Variants in GALNT13 observed in about 807,000 individuals in gnomAD.
GALNT13 encodes the protein UDP-GalNAc:polypeptide N-acetylgalactosaminyltransferase 13.
A neutral mutation model predicts 64.2 loss-of-function variants in GALNT13; 28 were observed. The ratio of observed to expected loss-of-function variants is 0.44; its 90% CI spans 0.32 to 0.60. The LOEUF is 0.60. Ranked by LOEUF, GALNT13 falls within the 20% of genes least tolerant of loss-of-function variation. The probability of loss-of-function intolerance (pLI) is 0.05; values close to 1 mark genes in which losing one functional copy is unlikely to be tolerated. For missense variants in GALNT13, 577 were observed against 669.8 expected (o/e 0.86, Z 1.53); for synonymous variants, 214 against 224.6 (o/e 0.95, Z 0.42).
chr2:153,142,160 A>G, the GALNT13 span, among the ~76,000 whole-genome samples: 10 of 152,168 alleles, frequency 6.6e-5, no homozygotes, highest in East Asian at 3.9e-4. Flanking sequence ...CAATTCTGCC[A>G]TAGTAGTGGT....
chr2:153,070,118 T>C, the GALNT13 span, among the ~76,000 whole-genome samples: 1 of 152,250 alleles, frequency 6.6e-6, no homozygotes, highest in Admixed American at 6.5e-5. Context: ...TTTTCTGCTC[T>C]TACAAAAGAG....
the GALNT13 span, among the ~76,000 whole-genome samples, chr2:153,199,366 C>T: frequency 6.6e-6 from 1 of 152,216 alleles, no homozygotes. Context: ...TTATCCCTCA[C>T]TCATCCCGGT....
intron 9 of GALNT13, among the ~76,000 whole-genome samples, chr2:154,354,534 T>C (rs1032520614): frequency 3.3e-5 from 5 of 151,336 alleles, no homozygotes; most frequent in Admixed American, 3.3e-4. Context: ...CTAAGACTTT[T>C]ATGGTTTCAG....
At chr2:153,693,422 G>A in the GALNT13 span, among the ~76,000 whole-genome samples, 1 of 152,106 alleles carries the variant, frequency 6.6e-6, no homozygotes, top group African/African-American at 2.4e-5. Flanking sequence ...GTATATAGCA[G>A]TACTGCTGCA....
chr2:154,344,510 A>G (rs927889475), intron 9 of GALNT13, among the ~76,000 whole-genome samples: 1 of 111,528 alleles, frequency 9.0e-6, no homozygotes, highest in Non-Finnish European at 2.2e-5. Flanking sequence ...ATCTAAATCC[A>G]TTATCCCATT....
chr2:153,196,835 G>C, the GALNT13 span, among the ~76,000 whole-genome samples: 2 of 152,050 alleles, frequency 1.3e-5, no homozygotes, highest in African/African-American at 4.8e-5. Flanking sequence ...CACCACCCTG[G>C]GCCCAGCTCC....
chr2:153,824,564 C>T, the GALNT13 span, among the ~76,000 whole-genome samples: 5 of 151,970 alleles, frequency 3.3e-5, no homozygotes, highest in African/African-American at 4.8e-5. Flanking sequence ...GCTGGTGGAT[C>T]GATAGAGTAA....
chr2:153,794,018 G>A, the GALNT13 span, among the ~76,000 whole-genome samples: 1 of 152,026 alleles, frequency 6.6e-6, no homozygotes. Flanking sequence ...ATTTTCAGAC[G>A]GTAGAAGGAT....
At chr2:153,245,829 G>A in the GALNT13 span, among the ~76,000 whole-genome samples, 2 of 152,072 alleles carry the variant, frequency 1.3e-5, no homozygotes, top group African/African-American at 2.4e-5. Context: ...GGCTTCAGAA[G>A]GTGGGTAATA....
the GALNT13 span, among the ~76,000 whole-genome samples, chr2:153,591,972 A>T: frequency 2.6e-5 from 4 of 152,076 alleles, no homozygotes; most frequent in Admixed American, 6.6e-5. Context: ...AACTCAAACA[A>T]CTCAATAACA....
the GALNT13 span, among the ~76,000 whole-genome samples, chr2:153,578,959 G>T: frequency 6.6e-6 from 1 of 152,124 alleles, no homozygotes; most frequent in Non-Finnish European, 1.5e-5. Flanking sequence ...TGAACACAAG[G>T]CTTCTTGGTT....
chr2:153,737,654 T>G, the GALNT13 span, among the ~76,000 whole-genome samples: 1 of 152,116 alleles, frequency 6.6e-6, no homozygotes, highest in Non-Finnish European at 1.5e-5. Flanking sequence ...GTCTCGTAGT[T>G]TTGTTTCATA....
At chr2:153,231,321 CT>C in the GALNT13 span, among the ~76,000 whole-genome samples, 1 of 152,170 alleles carries the variant, frequency 6.6e-6, no homozygotes, top group Non-Finnish European at 1.5e-5. Context: ...TTGCATCTTT[CT>C]TGGTTTCTCA....
the GALNT13 span, among the ~76,000 whole-genome samples, chr2:153,488,202 T>C: frequency 6.6e-6 from 1 of 152,172 alleles, no homozygotes; most frequent in Non-Finnish European, 1.5e-5. Context: ...AAAGAGGACA[T>C]TGTCACCATG....
chr2:154,290,650 C>T (rs11885034), intron 8 of GALNT13, among the ~76,000 whole-genome samples: 2,448 of 152,304 alleles, frequency 0.016, 60 homozygotes, highest in African/African-American at 0.055. Flanking sequence ...AGTGCTATAG[C>T]TGCTAGGAGG....
chr2:153,831,899 T>C, the GALNT13 span, among the ~76,000 whole-genome samples: 1 of 152,212 alleles, frequency 6.6e-6, no homozygotes, highest in African/African-American at 2.4e-5. Context: ...GTGTGACATA[T>C]TTCTAGTTAA....
At chr2:153,455,740 C>T in the GALNT13 span, among the ~76,000 whole-genome samples, 4 of 152,120 alleles carry the variant, frequency 2.6e-5, no homozygotes, top group African/African-American at 4.8e-5. Context: ...TTTGCCTTTT[C>T]ACGTGGGGTA....
chr2:153,462,406 A>C, the GALNT13 span, among the ~76,000 whole-genome samples: 1 of 152,126 alleles, frequency 6.6e-6, no homozygotes, highest in Non-Finnish European at 1.5e-5. Flanking sequence ...TCTTCTTTTC[A>C]TACTCTAATT....
chr2:153,733,756 A>T, the GALNT13 span, among the ~76,000 whole-genome samples: 1 of 152,224 alleles, frequency 6.6e-6, no homozygotes, highest in African/African-American at 2.4e-5. Flanking sequence ...ATGTAGTGGT[A>T]GTATTCATTT....
Sources: allele counts gnomAD v4.1 joint callset (sites outside exome capture counted in the v4.1 genomes callset), GRCh38; gene constraint gnomAD v4.1.1; transcripts MANE v1.5; gene names NCBI Gene and HGNC (gene_info 2026-07-23, HGNC 2026-07-21).